The following SLC12A1 variants were observed in gnomAD, a reference collection of about 807,000 sequenced individuals.
SLC12A1 encodes the protein Na-K-2Cl cotransporter.
SLC12A1 carries 89 observed loss-of-function variants against 130.4 expected under a neutral mutation model. The observed-to-expected ratio is 0.68, with a 90% CI of 0.58 to 0.81. The LOEUF is 0.81. Ranked by LOEUF, SLC12A1 falls within the 40% of genes least tolerant of loss-of-function variation. The pLI is 0.00. For missense variants in SLC12A1, 1,310 were observed against 1,336.4 expected (o/e 0.98, Z 0.31); for synonymous variants, 499 against 460.0 (o/e 1.08, Z -1.09).
chr15:48,297,122 C>CTACTT (rs2042184923), intron 24 of SLC12A1, among the ~76,000 whole-genome samples: 1 of 151,888 alleles, frequency 6.6e-6, no homozygotes, highest in Non-Finnish European at 1.5e-5. Flanking sequence ...TTCAGTCTCC[C>CTACTT]TACTTTACTT....
At chr15:48,300,729 A>G (rs2042224272) in intron 25 of SLC12A1, among the ~76,000 whole-genome samples, 1 of 152,242 alleles carries the variant, frequency 6.6e-6, no homozygotes, top group Non-Finnish European at 1.5e-5. Flanking sequence ...ACAATAAAAA[A>G]TATTACTCTC....
chr15:48,228,311 G>C (rs1247315121), intron 5 of SLC12A1: 1 of 152,758 alleles, frequency 6.5e-6, no homozygotes, highest in Non-Finnish European at 1.5e-5. Flanking sequence ...GTCCAAGGGA[G>C]AAGTAATTGT....
intron 4 of SLC12A1, chr15:48,223,163 C>T (rs1345622662): frequency 6.6e-6 from 1 of 152,174 alleles, no homozygotes; most frequent in Non-Finnish European, 1.5e-5. Context: ...GAAGATAAAG[C>T]TAAAGTACCT....
intron 1 of SLC12A1, among the ~76,000 whole-genome samples, chr15:48,207,208 C>T (rs2040992723): frequency 6.6e-6 from 1 of 152,198 alleles, no homozygotes; most frequent in Admixed American, 6.5e-5. Context: ...AGAATATTCT[C>T]ATCAGCTCTT....
chr15:48,302,482 C>T lies in SLC12A1; in HGVS notation c.3165-268C>T, dbSNP rs538783799. ...AAAAATACAAAAAATTAGCCGGGCGCGGTGGCGGGCGCCTGTAGTCCCAGC... is the reference window on the plus strand; with the variant it reads ...AAAAATACAAAAAATTAGCCGGGCGTGGTGGCGGGCGCCTGTAGTCCCAGC... On this transcript the variant is annotated intron_variant, in intron 26 of 26. Coordinates refer to ENST00000380993, the MANE Select transcript of SLC12A1 (RefSeq NM_000338.3). Among the ~76,000 whole-genome samples the T allele has an allele frequency of 3.5e-3, 526 of 150,318 alleles. 9 individuals are homozygous for T. Among genetic ancestry groups the T allele is most frequent in the Middle Eastern group, 3.4e-3 (1 of 292 alleles).
In SLC12A1 at chr15:48,288,109, G is replaced by A. The variant is rs754105851; in HGVS notation, c.2696G>A (p.Ser899Asn). The A allele has an allele frequency of 6.2e-7, 1 of 1,610,758 alleles. No individual in the cohort carries two copies. The highest frequency in any genetic ancestry group is 8.5e-7 in the Non-Finnish European group (1 of 1,178,454). The change falls in exon 22 of 27, where the codon AGC becomes AAC. Residue 899 changes from serine to asparagine, a missense_variant. Transcript: ENST00000380993. The stretch of plus-strand genomic sequence containing the variant: ...TTCAACCAGAAACTGGTGGAAGCCA[G>A]CACTCAATTTAAAAAGAAACAAGAA... ...GEFNQKLVEASTQFKKKQEKG... is the reference protein window; with the variant it reads ...GEFNQKLVEANTQFKKKQEKG...
chr15:48,259,094 G>A (rs924470653), intron 16 of SLC12A1, 106 bp from the exon 17 acceptor site: 2 of 695,402 alleles, frequency 2.9e-6, no homozygotes, highest in Admixed American at 2.4e-5. Flanking sequence ...TAGGGGAGAG[G>A]TTGCCCCATT....
chr15:48,292,337 C>T (rs2042130550), intron 24 of SLC12A1, among the ~76,000 whole-genome samples: 1 of 151,958 alleles, frequency 6.6e-6, no homozygotes, highest in Non-Finnish European at 1.5e-5. Flanking sequence ...GCACTAAAGG[C>T]CCAACAGGGA....
chr15:48,248,762 G>A (rs563685628), intron 13 of SLC12A1, among the ~76,000 whole-genome samples: 1 of 152,352 alleles, frequency 6.6e-6, no homozygotes, highest in East Asian at 1.9e-4. Flanking sequence ...GTATTTTGGG[G>A]CCAGGCACGG....
In SLC12A1 at chr15:48,207,985, A is replaced by T; in HGVS notation, c.266A>T (p.Tyr89Phe). The T allele has an allele frequency of 1.2e-6, 2 of 1,614,044 alleles. No homozygotes were observed. The highest frequency in any genetic ancestry group is 2.2e-5 in the South Asian group (2 of 91,086). The stretch of plus-strand genomic sequence containing the variant: ...AAAACAGATGCCAGTTTTCACGCTT[A>T]TGATTCTCACACAAACACATACTAT... ...TAKTDASFHA[Y>F]DSHTNTYYLQ... The change falls in exon 2 of 27, where the codon TAT becomes TTT. Residue 89 changes from tyrosine to phenylalanine, a missense_variant. By Grantham distance (22) the Tyr-to-Phe change is conservative. Coordinates refer to ENST00000380993, the MANE Select transcript of SLC12A1 (RefSeq NM_000338.3).
chr15:48,267,604 C>A lies in SLC12A1; in HGVS notation c.2198C>A (p.Ala733Glu), dbSNP rs141858745. The A allele has an allele frequency of 2.5e-6, 4 of 1,613,392 alleles. No individual in the cohort carries two copies. Among genetic ancestry groups the A allele is most frequent in the Non-Finnish European group, 3.4e-6 (4 of 1,179,552 alleles). ...GTTAAGGAGATGAACAGTGGCATGG[C>A]GAAAAAACAGGCCTGGCTTATAAAG... ...LCVKEMNSGM[A>E]KKQAWLIKNK... Residue 733 changes from alanine (A) to glutamate (E), a missense_variant, in exon 18 of 27, where the codon GCG (alanine) becomes GAG (glutamate). Physicochemically the swap from Ala to Glu is moderately radical, Grantham distance 107 (BLOSUM62 -1). Coordinates refer to ENST00000380993, the MANE Select transcript of SLC12A1 (RefSeq NM_000338.3).
chr15:48,289,878 T>C (rs1338883823), intron 23 of SLC12A1, among the ~76,000 whole-genome samples: 1 of 152,166 alleles, frequency 6.6e-6, no homozygotes, highest in Non-Finnish European at 1.5e-5. Context: ...GTAGATTTTA[T>C]CAACACTGTA....
In SLC12A1 at chr15:48,288,072, C is replaced by G; in HGVS notation, c.2659C>G (p.His887Asp). ...CAGCATTAACACAAGCCAGTCGATGCATGTGGGAGAGTTCAACCAGAAACT... is the reference window on the plus strand; with the variant it reads ...CAGCATTAACACAAGCCAGTCGATGGATGTGGGAGAGTTCAACCAGAAACT... ...DGSINTSQSMHVGEFNQKLVE... is the reference protein window; with the variant it reads ...DGSINTSQSMDVGEFNQKLVE... The change falls in exon 22 of 27, where the codon CAT becomes GAT. Residue 887 changes from histidine (H) to aspartate (D), a missense_variant. Physicochemically the swap from His to Asp is moderately conservative, Grantham distance 81. Coordinates refer to ENST00000380993, the MANE Select transcript of SLC12A1 (RefSeq NM_000338.3). 1 of 1,610,954 alleles carries G rather than the reference C, an allele frequency of 6.2e-7. No homozygotes were observed. The highest frequency in any genetic ancestry group is 1.1e-5 in the South Asian group (1 of 90,286).
chr15:48,299,801 G>T (rs907882984), intron 25 of SLC12A1, among the ~76,000 whole-genome samples: 1 of 152,178 alleles, frequency 6.6e-6, no homozygotes, highest in East Asian at 1.9e-4. Flanking sequence ...AGCCCAGTAA[G>T]ATGCTCCCAT....
chr15:48,251,720 C>A lies in SLC12A1; in HGVS notation c.1892C>A (p.Thr631Asn). The A allele has an allele frequency of 6.2e-7, 1 of 1,613,858 alleles. No homozygotes were observed. The highest frequency in any genetic ancestry group is 8.5e-7 in the Non-Finnish European group (1 of 1,179,802). Residue 631 changes from threonine to asparagine, a missense_variant, in exon 15 of 27, where the codon ACC (threonine) becomes AAC (asparagine). Coordinates refer to ENST00000380993, the MANE Select transcript of SLC12A1 (RefSeq NM_000338.3). ...ATCAACTGGTGGGCAGCTGTCATCA[C>A]CTATGTCATTGAATTCTTCCTTTAC... ...FVINWWAAVI[T>N]YVIEFFLYVY...
intron 5 of SLC12A1, chr15:48,227,219 A>G (rs1409830128): frequency 8.3e-7 from 1 of 1,209,160 alleles, no homozygotes; most frequent in East Asian, 2.5e-5. Flanking sequence ...GGTTACTAGT[A>G]ATGTCTGGAG....
chr15:48,251,882 A>C (rs1049826111), intron 15 of SLC12A1, 112 bp downstream of exon 15: 19 of 863,602 alleles, frequency 2.2e-5, no homozygotes, highest in Non-Finnish European at 3.4e-5. Flanking sequence ...TGTAAGGTGG[A>C]TATTAATAAT....
intron 9 of SLC12A1, among the ~76,000 whole-genome samples, chr15:48,239,736 C>T (rs1038309782): frequency 2.0e-5 from 3 of 151,304 alleles, no homozygotes; most frequent in African/African-American, 7.3e-5. Flanking sequence ...CTGCAACCTT[C>T]GCCTCCCAGG....
At chr15:48,266,522 G>T (rs1328911726) in intron 17 of SLC12A1, among the ~76,000 whole-genome samples, 1 of 151,426 alleles carries the variant, frequency 6.6e-6, no homozygotes, top group Non-Finnish European at 1.5e-5. Context: ...TCCAAGTGTG[G>T]TCTGTCTAAG....
Sources: gnomAD v4.1 joint callset for allele counts (sites outside exome capture counted in the v4.1 genomes callset) on GRCh38, gnomAD v4.1.1 for gene constraint, MANE v1.5 for transcripts, NCBI Gene and HGNC (gene_info 2026-07-23, HGNC 2026-07-21) for gene names.